WDHD1: variants seen among roughly 807,000 people sequenced by gnomAD.
The protein encoded by WDHD1 is WD repeat and HMG-box DNA binding protein 1, also known as WD repeat and HMG-box DNA-binding protein 1.
Under a neutral mutation model 135.4 loss-of-function variants are expected in WDHD1, and 111 were observed. That is an observed-to-expected ratio of 0.82 (90% CI 0.70 to 0.96). The LOEUF (loss-of-function observed/expected upper bound fraction) is 0.96, where lower values mean the gene tolerates loss of function less well. WDHD1 is among the 40% of genes least tolerant of loss of function. WDHD1 has a pLI of 0.00. For missense variants in WDHD1, 1,351 were observed against 1,336.3 expected (o/e 1.01, Z -0.17); for synonymous variants, 434 against 439.0 (o/e 0.99, Z 0.14).
At chr14:54,972,575 AAAAAAAAAAAAAAAAT>A (rs1172115301) in intron 16 of WDHD1, among the ~76,000 whole-genome samples, 2,396 of 137,984 alleles carry the variant, frequency 0.017, 314 homozygotes, top group African/African-American at 0.071. Context: ...AAAAAAAAAA[AAAAAAAAAAAAAAAAT>A]GCCAATGAGG....
At chr14:54,974,390 G>A (rs900824450) in intron 16 of WDHD1, among the ~76,000 whole-genome samples, 1 of 150,290 alleles carries the variant, frequency 6.7e-6, no homozygotes, top group Non-Finnish European at 1.5e-5. Context: ...CTGAGGTCAC[G>A]CCACTGCACT....
At chr14:54,955,895 CTTT>C (rs71131243) in intron 23 of WDHD1, among the ~76,000 whole-genome samples, 2 of 110,090 alleles carry the variant, frequency 1.8e-5, no homozygotes, top group Non-Finnish European at 3.6e-5. Flanking sequence ...CCATGTTTTC[CTTT>C]TTTTTTTTTT....
chr14:55,003,853 T>C lies in WDHD1; in HGVS notation c.601-1668A>G, dbSNP rs2042019232. ...TGCTGGGATTATAGGCGTGAGCCAC[T>C]GTGCCCAGCTACCAACTGTATATTT... On this transcript the variant is annotated intron_variant, in intron 7 of 25. Coordinates refer to ENST00000360586, the MANE Select transcript of WDHD1 (RefSeq NM_007086.4). Among the ~76,000 whole-genome samples the C allele has an allele frequency of 2.0e-5, 3 of 152,164 alleles. No homozygotes were observed. The South Asian group carries it at 6.2e-4, about 31-fold the overall frequency.
intron 23 of WDHD1, 120 bp downstream of exon 23, chr14:54,956,914 C>G: frequency 5.4e-6 from 7 of 1,293,912 alleles, no homozygotes; most frequent in Non-Finnish European, 7.3e-6. Flanking sequence ...GAACCCACTT[C>G]CCTAGCAAGA....
Position 54,987,290 on chromosome 14 carries a change from G to T in WDHD1, c.1624C>A (p.Gln542Lys). The part of the protein sequence containing the change: ...NEDIEAICLG[Q>K]GWAAAATSAL... Reference sequence around the variant, plus strand: ...CTAGTAGCGGCAGCAGCCCATCCTTGACCGAGACATATGGCTTCAATATCC... The same window carrying T: ...CTAGTAGCGGCAGCAGCCCATCCTTTACCGAGACATATGGCTTCAATATCC... The change falls in exon 14 of 26, where the codon CAA becomes AAA. Residue 542 changes from glutamine to lysine, a missense_variant. By Grantham distance (53) the Gln-to-Lys change is moderately conservative. This residue lies in a region of WDHD1 where 1,330 missense variants were observed against 1,296.1 expected (regional missense o/e 1.03). Coordinates refer to ENST00000360586, the MANE Select transcript of WDHD1 (RefSeq NM_007086.4). The T allele has an allele frequency of 3.1e-6, 5 of 1,614,038 alleles. No individual in the cohort carries two copies. The highest frequency in any genetic ancestry group is 4.2e-6 in the Non-Finnish European group (5 of 1,180,032).
chr14:54,951,921 C>G (rs1041857033), intron 24 of WDHD1, among the ~76,000 whole-genome samples: 1 of 152,134 alleles, frequency 6.6e-6, no homozygotes, highest in Non-Finnish European at 1.5e-5. Flanking sequence ...GCAGAAAAGG[C>G]CTGTGACAAA....
intron 16 of WDHD1, among the ~76,000 whole-genome samples, chr14:54,974,148 A>G (rs1341299727): frequency 1.3e-5 from 2 of 151,978 alleles, no homozygotes; most frequent in African/African-American, 4.8e-5. Context: ...GTGGCTGGGC[A>G]CAGTGGCTCA....
At chr14:54,980,306 AGAGT>A (rs1196830485) in intron 16 of WDHD1, among the ~76,000 whole-genome samples, 1 of 151,852 alleles carries the variant, frequency 6.6e-6, no homozygotes, top group Non-Finnish European at 1.5e-5. Flanking sequence ...CCTGGGTGAC[AGAGT>A]GAGACTCTGT....
At chr14:54,997,711 G>A (rs1360892681) in intron 10 of WDHD1, among the ~76,000 whole-genome samples, 1 of 151,306 alleles carries the variant, frequency 6.6e-6, no homozygotes, top group Non-Finnish European at 1.5e-5. Flanking sequence ...AGGAGATCGA[G>A]ACCATCCTGG....
Position 54,941,594 on chromosome 14 carries a change from G to C in WDHD1, c.3286C>G (p.Gln1096Glu), listed in dbSNP as rs1378814370. The change falls in exon 26 of 26, where the codon CAG becomes GAG. Residue 1096 changes from glutamine (Q) to glutamate (E), a missense_variant. Gln to Glu is a conservative substitution (Grantham distance 29). Around this residue, in one of 2 missense-constraint regions of WDHD1, gnomAD observed 1,330 missense variants for 1,296.1 expected, o/e 1.03. Transcript: ENST00000360586. ...VVDESDETEN[Q>E]EEKAKENLNL... is the part of the protein sequence containing the mutation. ...AGGTTCTCTTTTGCTTTTTCTTCCT[G>C]GTTTTCTGTTTCATCACTTTCATCA... 6.2e-7 allele frequency: 1 copy of C among 1,613,840 alleles called. No individual in the cohort carries two copies.
chr14:54,952,261 A>T (rs955490195), intron 24 of WDHD1, among the ~76,000 whole-genome samples: 1 of 152,218 alleles, frequency 6.6e-6, no homozygotes, highest in African/African-American at 2.4e-5. Flanking sequence ...TCAGCCCAAA[A>T]TCTCCTTAAG....
At chr14:54,957,261 A>G in intron 22 of WDHD1, 57 bp from the exon 23 acceptor site, 2 of 1,525,918 alleles carry the variant, frequency 1.3e-6, no homozygotes, top group East Asian at 2.3e-5. Flanking sequence ...TAAAATCCCA[A>G]GAGACTTATT....
At chr14:54,989,967 G>T (rs147507097) in intron 12 of WDHD1, among the ~76,000 whole-genome samples, 1 of 152,164 alleles carries the variant, frequency 6.6e-6, no homozygotes, top group East Asian at 1.9e-4. Flanking sequence ...CCCGGCAGAG[G>T]CAACATAAAT....
chr14:55,007,457 T>C, intron 6 of WDHD1, 82 bp from the exon 7 acceptor site: 1 of 1,023,378 alleles, frequency 9.8e-7, no homozygotes, highest in Non-Finnish European at 1.4e-6. Context: ...ATTTAAAGGT[T>C]CTTCAAATCA....
At chr14:55,020,563 G>A (rs995880336) in intron 2 of WDHD1, among the ~76,000 whole-genome samples, 1 of 151,886 alleles carries the variant, frequency 6.6e-6, no homozygotes, top group African/African-American at 2.4e-5. Context: ...TCCTTCCCTA[G>A]GTGACTTCAT....
At chr14:55,015,218 C>T (rs1347219750) in intron 2 of WDHD1, among the ~76,000 whole-genome samples, 1 of 151,768 alleles carries the variant, frequency 6.6e-6, no homozygotes, top group African/African-American at 2.4e-5. Context: ...AACCCTGAGT[C>T]TACTAAAAAT....
intron 7 of WDHD1, chr14:55,005,511 G>A: frequency 1.8e-6 from 1 of 568,816 alleles, no homozygotes; most frequent in South Asian, 1.4e-5. Context: ...CAAGCTCCCA[G>A]GAGAAGCTTC....
chr14:54,989,240 T>A, intron 12 of WDHD1, 28 bp from the exon 13 acceptor site: 2 of 1,565,764 alleles, frequency 1.3e-6, no homozygotes, highest in Non-Finnish European at 1.7e-6. Flanking sequence ...TAAATATAAG[T>A]CTGAGAAAAA....
Position 55,026,698 on chromosome 14 carries a change from C to T in WDHD1, c.77+13G>A. 6.2e-7 allele frequency: 1 copy of T among 1,614,084 alleles called. No homozygotes were observed. The highest frequency in any genetic ancestry group is 8.5e-7 in the Non-Finnish European group (1 of 1,179,932). ...CATTTGCACCTAAAACGTTGTTTCT[C>T]AAAGAACCTTACCTCCCAGAATCAT... On this transcript the variant is annotated intron_variant, in intron 2 of 25. Coordinates refer to ENST00000360586, the MANE Select transcript of WDHD1 (RefSeq NM_007086.4).
Sources: allele counts gnomAD v4.1 joint callset (sites outside exome capture counted in the v4.1 genomes callset), GRCh38; gene constraint gnomAD v4.1.1; regional missense constraint gnomAD v4.1.1; transcripts MANE v1.5; gene names NCBI Gene and HGNC (gene_info 2026-07-23, HGNC 2026-07-21).